Variants in PRKN observed in about 807,000 individuals in gnomAD.
PRKN encodes parkin RBR E3 ubiquitin protein ligase.
Under a neutral mutation model 59.5 loss-of-function variants are expected in PRKN, and 56 were observed. The observed-to-expected ratio is 0.94, with a 90% CI of 0.76 to 1.18. PRKN has a LOEUF of 1.18. Ranked by LOEUF, PRKN falls within the 50% of genes most tolerant of loss-of-function variation. The pLI is 0.00. For synonymous variants in PRKN, 250 were observed against 222.1 expected, an observed-to-expected ratio of 1.13 and a Z score of -1.12; for missense variants, 657 against 596.4, an observed-to-expected ratio of 1.10 and a Z score of -1.06.
chr6:162,560,028 A>T (rs1278079570), intron 1 of PRKN, among the ~76,000 whole-genome samples: 1 of 152,226 alleles, frequency 6.6e-6, no homozygotes, highest in Non-Finnish European at 1.5e-5. Context: ...TACCATTATT[A>T]TTAAACTTTT....
In PRKN at chr6:161,356,483, C is replaced by T. The variant is rs185004574; in HGVS notation, c.1285+3605G>A. On this transcript the variant is annotated intron_variant, in intron 11 of 11. Transcript: ENST00000366898. This position sits in a 1 kb window ranked among gnomAD's most constrained non-coding sequence, Gnocchi z 7.8. ...GAAGTCTACACGTCTATGTAGAGGA[C>T]GGATCATAAATATGCGAGAGTGGAG... 5.9e-5 allele frequency among the ~76,000 whole-genome samples: 9 copies of T among 152,204 alleles called. No homozygotes were observed. The highest frequency in any genetic ancestry group is 4.1e-4 in the South Asian group (2 of 4,822).
At chr6:162,649,592 C>T (rs529287801) in intron 1 of PRKN, among the ~76,000 whole-genome samples, 11 of 151,936 alleles carry the variant, frequency 7.2e-5, no homozygotes, top group Non-Finnish European at 1.0e-4. Context: ...TTCCAATTCT[C>T]GGTTACACAT....
chr6:162,282,862 A>C (rs4709590), intron 2 of PRKN, among the ~76,000 whole-genome samples: 1 of 152,074 alleles, frequency 6.6e-6, no homozygotes, highest in Non-Finnish European at 1.5e-5. Flanking sequence ...GAGGAATTTG[A>C]ATGTTTCTGA....
intron 2 of PRKN, among the ~76,000 whole-genome samples, chr6:162,380,172 G>T (rs1786351990): frequency 6.6e-6 from 1 of 151,738 alleles, no homozygotes; most frequent in South Asian, 2.1e-4. Context: ...TGGCACTTTG[G>T]GTAGTAAATA....
intron 9 of PRKN, among the ~76,000 whole-genome samples, chr6:161,478,681 G>GA (rs547256345): frequency 2.0e-4 from 30 of 152,094 alleles, no homozygotes; most frequent in Non-Finnish European, 4.0e-4. Flanking sequence ...CTTGTCTTTA[G>GA]AAAAAAATAC....
At chr6:161,714,468 G>C (rs1470254599) in intron 7 of PRKN, among the ~76,000 whole-genome samples, 2 of 152,122 alleles carry the variant, frequency 1.3e-5, no homozygotes, top group Non-Finnish European at 2.9e-5. Context: ...TGCAAGCAGA[G>C]AGCAGCCCTC....
At chr6:161,757,880 TATATATACACACACACAC>T (rs1789009205) in intron 7 of PRKN, among the ~76,000 whole-genome samples, 1 of 96,842 alleles carries the variant, frequency 1.0e-5, no homozygotes, top group African/African-American at 4.7e-5. Context: ...TCTGTGTATA[TATATATACACACACACAC>T]ACACACACAC....
chr6:162,618,579 G>A (rs1782525178), intron 1 of PRKN, among the ~76,000 whole-genome samples: 1 of 152,102 alleles, frequency 6.6e-6, no homozygotes, highest in African/African-American at 2.4e-5. Flanking sequence ...ATCTAAATAA[G>A]CCTCAGTCCA....
rs888454944 is a variant in PRKN at position 162,116,751 on chromosome 6, T to C, written c.535-62577A>G. On this transcript the variant is annotated intron_variant, in intron 4 of 11. Coordinates refer to ENST00000366898, the MANE Select transcript of PRKN (RefSeq NM_004562.3). ...CAGCAATACACTGAAATAAGTGAAA[T>C]TGCAGAGATATGCACAGGCGTGAAA... Among the ~76,000 whole-genome samples the C allele has an allele frequency of 1.4e-4, 22 of 152,244 alleles. No individual in the cohort carries two copies. In the East Asian group the frequency reaches 2.5e-3, roughly 17 times the overall value.
chr6:162,161,622 C>T (rs1782763610), intron 4 of PRKN, among the ~76,000 whole-genome samples: 1 of 152,234 alleles, frequency 6.6e-6, no homozygotes, highest in Middle Eastern at 3.4e-3. Flanking sequence ...TGTTCATTGA[C>T]ATTGTCTGCT....
chr6:161,875,678 C>T (rs1175073694), intron 6 of PRKN, among the ~76,000 whole-genome samples: 4 of 152,066 alleles, frequency 2.6e-5, no homozygotes, highest in Admixed American at 2.6e-4. Flanking sequence ...TCCGTTTTGA[C>T]ACAGGAGGAA....
At chr6:162,052,211 T>C (rs1181657023) in intron 5 of PRKN, among the ~76,000 whole-genome samples, 1 of 152,192 alleles carries the variant, frequency 6.6e-6, no homozygotes, top group Non-Finnish European at 1.5e-5. Context: ...CTATTTTCTC[T>C]TTTTACCTAT....
At chr6:161,763,628 GCA>G (rs1213904534) in intron 7 of PRKN, among the ~76,000 whole-genome samples, 1 of 152,116 alleles carries the variant, frequency 6.6e-6, no homozygotes, top group East Asian at 1.9e-4. Context: ...TAAGGCTGAG[GCA>G]CATTCAGCAA....
intron 1 of PRKN, among the ~76,000 whole-genome samples, chr6:162,447,042 A>G (rs984058225): frequency 3.3e-5 from 5 of 152,194 alleles, no homozygotes; most frequent in Admixed American, 3.3e-4. Flanking sequence ...AAATCGGTAT[A>G]AGGGATGCAA....
At chr6:161,779,436 T>TTTCC (rs1220097543) in intron 7 of PRKN, among the ~76,000 whole-genome samples, 1 of 76,666 alleles carries the variant, frequency 1.3e-5, no homozygotes, top group Non-Finnish European at 2.6e-5. Context: ...TTTTCTTTTC[T>TTTCC]TTTCTTTTTT....
chr6:162,645,439 C>T (rs1954808), intron 1 of PRKN, among the ~76,000 whole-genome samples: 93,226 of 151,948 alleles, frequency 0.61, 29,320 homozygotes, highest in African/African-American at 0.75. Flanking sequence ...TTACAGAAGA[C>T]AGCTAAGAGC....
chr6:161,737,341 C>T (rs960726106), intron 7 of PRKN, among the ~76,000 whole-genome samples: 1 of 152,216 alleles, frequency 6.6e-6, no homozygotes, highest in African/African-American at 2.4e-5. Context: ...GGCGCCCTTG[C>T]GAAGGCTGAG....
At chr6:162,094,394 G>A (rs1779641931) in intron 4 of PRKN, among the ~76,000 whole-genome samples, 1 of 152,146 alleles carries the variant, frequency 6.6e-6, no homozygotes, top group Non-Finnish European at 1.5e-5. Context: ...TGAGGCAGGA[G>A]GATTGCTTGG....
At chr6:161,898,901 T>G (rs1288211455) in intron 6 of PRKN, among the ~76,000 whole-genome samples, 6 of 152,220 alleles carry the variant, frequency 3.9e-5, no homozygotes, top group Non-Finnish European at 8.8e-5. Context: ...TGGGGAATAA[T>G]GTCTAAAAGG....
Sources: allele counts gnomAD v4.1 joint callset (sites outside exome capture counted in the v4.1 genomes callset), GRCh38; gene constraint gnomAD v4.1.1; non-coding constraint Gnocchi (gnomAD v3.1); transcripts MANE v1.5; gene names NCBI Gene and HGNC (gene_info 2026-07-23, HGNC 2026-07-21).